The following GAS7 variants were observed in gnomAD, a reference collection of about 807,000 sequenced individuals.
The protein encoded by GAS7 is growth arrest-specific protein 7.
In GAS7, 28 loss-of-function variants were observed where a neutral mutation model predicts 71.1. The observed-to-expected ratio is 0.39, with a 90% CI of 0.29 to 0.54. The LOEUF (loss-of-function observed/expected upper bound fraction) is 0.54. Among genes scored for constraint, GAS7 ranks in the 20% least tolerant of loss-of-function variants. The pLI, the probability that GAS7 is intolerant of heterozygous loss-of-function variation, is 0.62. For synonymous variants in GAS7, 258 were observed against 245.8 expected, an observed-to-expected ratio of 1.05 and a Z score of -0.46; for missense variants, 436 against 627.8, an observed-to-expected ratio of 0.69 and a Z score of 3.27.
Position 9,926,963 on chromosome 17 carries a change from C to G in GAS7, c.886-194G>C. ...TCAGGTCTCAGCTTAGGCAGGTCAC[C>G]TTAGCTCAGGAGGCCCCCACACACG... On this transcript the variant is annotated intron_variant, in intron 9 of 13. Coordinates refer to ENST00000432992, the MANE Select transcript of GAS7 (RefSeq NM_201433.2). The surrounding 1 kb of genome is among the most constrained non-coding windows in gnomAD (Gnocchi z 5.0). The G allele has an allele frequency of 3.3e-6, 2 of 597,102 alleles. No individual in the cohort carries two copies. The highest frequency in any genetic ancestry group is 6.0e-6 in the Non-Finnish European group (2 of 333,542). The allele number at this position is 597,102 out of a possible 1,614,324, so 37.0% of individuals were successfully genotyped here. A position where few individuals can be genotyped will look rare whatever the true frequency, so the allele number is the denominator to read the frequency against.
intron 1 of GAS7, among the ~76,000 whole-genome samples, chr17:10,116,889 A>AG (rs201677939): frequency 1.7e-4 from 26 of 152,040 alleles, no homozygotes; most frequent in East Asian, 3.9e-4. Flanking sequence ...ATAAATGATG[A>AG]GGGGGGGAAA....
intron 1 of GAS7, among the ~76,000 whole-genome samples, chr17:10,124,197 G>A (rs1242264698): frequency 6.6e-6 from 1 of 152,178 alleles, no homozygotes; most frequent in East Asian, 1.9e-4. Flanking sequence ...CTCGTGGCGG[G>A]GCCTTGCACT....
chr17:9,990,635 A>G (rs1344719183), intron 2 of GAS7, among the ~76,000 whole-genome samples: 1 of 152,116 alleles, frequency 6.6e-6, no homozygotes, highest in Non-Finnish European at 1.5e-5. Context: ...TAAAATAAAA[A>G]TGTTCTGAGG....
At chr17:10,121,851 C>G (rs1004301988) in intron 1 of GAS7, among the ~76,000 whole-genome samples, 8 of 152,136 alleles carry the variant, frequency 5.3e-5, no homozygotes, top group Non-Finnish European at 1.0e-4. Context: ...CAGAAGATGC[C>G]TGGGTGCCAC....
chr17:10,180,331 CAAAA>C (rs34829725), intron 1 of GAS7, among the ~76,000 whole-genome samples: 1 of 96,488 alleles, frequency 1.0e-5, no homozygotes. Flanking sequence ...AACTCTGCCT[CAAAA>C]AAAAAAAAAA....
At chr17:10,187,575 T>C (rs899239038) in intron 1 of GAS7, among the ~76,000 whole-genome samples, 1 of 152,238 alleles carries the variant, frequency 6.6e-6, no homozygotes, top group Non-Finnish European at 1.5e-5. Flanking sequence ...CTCATGTGTT[T>C]ATGCTTTTAT....
At chr17:10,064,790 C>T (rs2152244203) in intron 1 of GAS7, among the ~76,000 whole-genome samples, 1 of 152,278 alleles carries the variant, frequency 6.6e-6, no homozygotes, top group Non-Finnish European at 1.5e-5. Context: ...ATGCCTGAAG[C>T]TGAACTTCCT....
At chr17:9,947,546 A>G (rs969685007) in intron 5 of GAS7, among the ~76,000 whole-genome samples, 5 of 152,142 alleles carry the variant, frequency 3.3e-5, no homozygotes, top group Admixed American at 6.5e-5. Context: ...AGAGTTCGAG[A>G]CCAGCCTGAC....
intron 1 of GAS7, among the ~76,000 whole-genome samples, chr17:10,065,638 C>T (rs2073273849): frequency 6.6e-6 from 1 of 152,224 alleles, no homozygotes; most frequent in African/African-American, 2.4e-5. Flanking sequence ...CCCAGGAAAA[C>T]CTTCTCAATT....
chr17:10,176,805 A>C (rs1217111820), intron 1 of GAS7, among the ~76,000 whole-genome samples: 1 of 152,024 alleles, frequency 6.6e-6, no homozygotes, highest in Non-Finnish European at 1.5e-5. Flanking sequence ...CTTAATAGTC[A>C]GCACTCCAAG....
chr17:10,056,025 T>C (rs145959140), intron 1 of GAS7, among the ~76,000 whole-genome samples: 18 of 152,332 alleles, frequency 1.2e-4, no homozygotes, highest in African/African-American at 4.1e-4. Flanking sequence ...CCCTGCAGAC[T>C]GTATATCATT....
intron 1 of GAS7, among the ~76,000 whole-genome samples, chr17:10,124,525 C>G (rs1356618515): frequency 6.6e-6 from 1 of 152,244 alleles, no homozygotes; most frequent in African/African-American, 2.4e-5. Context: ...GGCTACAGAT[C>G]TCATGATTTG....
At chr17:10,020,134 G>A in intron 1 of GAS7, 1 of 429,872 alleles carries the variant, frequency 2.3e-6, no homozygotes. Context: ...TCCTCTGGGA[G>A]CAGAGAGGAA....
Position 9,919,709 on chromosome 17 carries a change from G to A in GAS7, c.1139-4C>T, listed in dbSNP as rs1252187330. 1 of 1,607,758 alleles carries A rather than the reference G, an allele frequency of 6.2e-7. No individual in the cohort carries two copies. Among genetic ancestry groups the A allele is most frequent in the Non-Finnish European group, 8.5e-7 (1 of 1,174,376 alleles). On this transcript the variant is annotated splice_polypyrimidine_tract_variant and splice_region_variant and intron_variant, in intron 11 of 13. Coordinates refer to ENST00000432992, the MANE Select transcript of GAS7 (RefSeq NM_201433.2). The surrounding 1 kb of genome is among the most constrained non-coding windows in gnomAD (Gnocchi z 5.0). ...ACACAGCGCATGAGGTCGTCTCCTGGAAAAAGACCACAGTCACCATCATGA... is the reference window on the plus strand; with the variant it reads ...ACACAGCGCATGAGGTCGTCTCCTGAAAAAAGACCACAGTCACCATCATGA...
chr17:10,102,751 G>GTTT (rs142011191), intron 1 of GAS7, among the ~76,000 whole-genome samples: 1 of 144,652 alleles, frequency 6.9e-6, no homozygotes. Flanking sequence ...CCCAGGCCCT[G>GTTT]TTTTTTTTTT....
At chr17:9,994,438 C>A (rs1184322623) in intron 2 of GAS7, among the ~76,000 whole-genome samples, 1 of 144,400 alleles carries the variant, frequency 6.9e-6, no homozygotes, top group Non-Finnish European at 1.5e-5. Flanking sequence ...GGAAAGGATT[C>A]CCTATTTAAT....
chr17:10,062,006 C>A (rs570686329), intron 1 of GAS7, among the ~76,000 whole-genome samples: 2 of 152,140 alleles, frequency 1.3e-5, no homozygotes, highest in African/African-American at 2.4e-5. Context: ...CCATCCAACC[C>A]GAAATGTCAA....
intron 1 of GAS7, among the ~76,000 whole-genome samples, chr17:10,024,245 C>T (rs1255078886): frequency 1.3e-5 from 2 of 152,218 alleles, no homozygotes; most frequent in African/African-American, 2.4e-5. Flanking sequence ...TTACCTCACC[C>T]TTCATGGCCA....
chr17:10,114,213 C>T (rs1012071417), intron 1 of GAS7, among the ~76,000 whole-genome samples: 1 of 152,118 alleles, frequency 6.6e-6, no homozygotes, highest in African/African-American at 2.4e-5. Context: ...CAGGCATGAG[C>T]CACCATGCAC....
Sources: allele counts gnomAD v4.1 joint callset (sites outside exome capture counted in the v4.1 genomes callset), GRCh38; gene constraint gnomAD v4.1.1; non-coding constraint Gnocchi (gnomAD v3.1); transcripts MANE v1.5; gene names NCBI Gene and HGNC (gene_info 2026-07-23, HGNC 2026-07-21).